CARD10: variants seen among roughly 807,000 people sequenced by gnomAD.
The protein encoded by CARD10 is caspase recruitment domain family member 10, also known as caspase recruitment domain-containing protein 10.
In CARD10, 49 loss-of-function variants were observed where a neutral mutation model predicts 114.6. The ratio of observed to expected loss-of-function variants is 0.43; its 90% CI spans 0.34 to 0.54. The LOEUF is 0.54. Ranked by LOEUF, CARD10 falls within the 20% of genes least tolerant of loss-of-function variation. CARD10 has a pLI of 0.03. For missense variants in CARD10, 1,206 were observed against 1,397.2 expected, an observed-to-expected ratio of 0.86 and a Z score of 2.18; for synonymous variants, 602 against 593.2, an observed-to-expected ratio of 1.01 and a Z score of -0.21.
At position 37,502,676 on chromosome 22, in the gene CARD10, G is replaced by A. The variant is rs766642101; in HGVS notation, c.1713C>T (p.Ser571=). The A allele has an allele frequency of 6.2e-7, 1 of 1,613,948 alleles. No individual in the cohort carries two copies. Among genetic ancestry groups the A allele is most frequent in the Non-Finnish European group, 8.5e-7 (1 of 1,179,952 alleles). Residue 571 remains serine, a synonymous_variant, in exon 11 of 20, where the codon TCC becomes TCT. Coordinates refer to ENST00000251973, the MANE Select transcript of CARD10 (RefSeq NM_014550.4). ...TTCCCAAAGGCCACACGCTGTCAGA[G>A]GATGAGGACGAAGAGAGGCCAGGGG... ...PWSPGLSSSS[S]SDSVWPLGKP... is the part of the protein sequence containing the mutation.
At position 37,518,121 on chromosome 22, in the gene CARD10, G is replaced by C. The variant is rs1923903213; in HGVS notation, c.236-13C>G. ...TCCATCAGGCGCCCTACAGAGTAGT[G>C]GGGGGATGTACCCAGGGTCTAGGGG... On this transcript the variant is annotated splice_polypyrimidine_tract_variant and intron_variant, in intron 1 of 19. Transcript: ENST00000251973. 1 of 1,611,722 alleles carries C rather than the reference G, an allele frequency of 6.2e-7. No homozygotes were observed. The highest frequency in any genetic ancestry group is 1.1e-5 in the South Asian group (1 of 91,028).
chr22:37,498,923 G>A (rs993236675), intron 11 of CARD10, among the ~76,000 whole-genome samples: 5 of 147,702 alleles, frequency 3.4e-5, no homozygotes, highest in African/African-American at 1.3e-4. Context: ...GGGGGCACAT[G>A]AATAAAAGAT....
rs1226563940 is a variant in CARD10, at chr22:37,496,795, G to A, written c.1947+224C>T. 12 of 649,294 alleles carry A rather than the reference G, an allele frequency of 1.8e-5. No homozygotes were observed. The highest frequency in any genetic ancestry group is 3.7e-5 in the African/African-American group (2 of 54,674). The allele number at this position is 649,294 out of a possible 1,614,324, so 40.2% of individuals were successfully genotyped here. On this transcript the variant is annotated intron_variant, in intron 12 of 19. Coordinates refer to ENST00000251973, the MANE Select transcript of CARD10 (RefSeq NM_014550.4). This position sits in a 1 kb window ranked among gnomAD's most constrained non-coding sequence, Gnocchi z 4.1. ...CAGGTCTTTCTCGACTTGAAGCGCA[G>A]GAATGTAACGTGCTGTCAGTTGGCT...
At chr22:37,495,474 A>G (rs536677353) in intron 15 of CARD10, 43 bp downstream of exon 15, 5 of 1,555,844 alleles carry the variant, frequency 3.2e-6, no homozygotes, top group Non-Finnish European at 4.4e-6. Context: ...TTTGGACCCC[A>G]CCCTTGGGGC....
At chr22:37,504,602 C>T in intron 8 of CARD10, 33 bp downstream of exon 8, 3 of 1,449,416 alleles carry the variant, frequency 2.1e-6, no homozygotes, top group Non-Finnish European at 2.7e-6. Context: ...ATAGCAGTGT[C>T]CCCCCTTATT....
Position 37,507,716 on chromosome 22 carries a change from G to A in CARD10, c.1191+113C>T, listed in dbSNP as rs549318982. ...CTTTGTGCCCCGTCCTAACCCAACA[G>A]GGAGCGGCTAACGTCTCTTTCTACC... On this transcript the variant is annotated intron_variant, in intron 6 of 19. Transcript: ENST00000251973. The A allele has an allele frequency of 9.4e-5, 126 of 1,339,702 alleles. No individual in the cohort carries two copies. In the South Asian group the frequency reaches 1.5e-3, roughly 16 times the overall value. The allele number at this position is 1,339,702 out of a possible 1,614,324, so 83.0% of individuals were successfully genotyped here.
rs1923037773 is a variant in CARD10 at position 37,497,198 on chromosome 22, A to T, written c.1788-20T>A. ...AGAGACCTGAGAAGGGAGAAAGGAG[A>T]TGAGAATTGGAGTCCAATCAGTACT... On this transcript the variant is annotated intron_variant, in intron 11 of 19. Transcript: ENST00000251973. The T allele has an allele frequency of 5.6e-6, 9 of 1,603,146 alleles. No homozygotes were observed. Among genetic ancestry groups the T allele is most frequent in the Non-Finnish European group, 7.7e-6 (9 of 1,175,852 alleles).
intron 3 of CARD10, among the ~76,000 whole-genome samples, chr22:37,511,221 G>A (rs1357661069): frequency 1.3e-5 from 2 of 151,658 alleles, no homozygotes; most frequent in African/African-American, 4.8e-5. Context: ...GTTGGGTGTG[G>A]TGGTGCGCGC....
Position 37,502,324 on chromosome 22 carries a change from C to T in CARD10, c.1787+278G>A, listed in dbSNP as rs929151420. Among the ~76,000 whole-genome samples the T allele has an allele frequency of 5.9e-5, 9 of 152,204 alleles. No individual in the cohort carries two copies. In the East Asian group the frequency reaches 1.2e-3, roughly 20 times the overall value. ...GGCAGAGCTGGGTGCTTTGCTTCTG[C>T]GAGCAGAGCCCTCAAAAGACCTCCA... is the stretch of plus-strand genomic sequence containing the variant. On this transcript the variant is annotated intron_variant, in intron 11 of 19. Transcript: ENST00000251973.
Position 37,502,636 on chromosome 22 carries a change from G to A in CARD10, c.1753C>T (p.Leu585=), listed in dbSNP as rs1374341054. 7.4e-6 allele frequency: 12 copies of A among 1,613,802 alleles called. No homozygotes were observed. Among genetic ancestry groups the A allele is most frequent in the East Asian group, 6.7e-5 (3 of 44,898 alleles). ...AAGTCCAGGCCACAGCCCCGAGCCA[G>A]GAGGCCTTCCGGCTTTCCCAAAGGC... ...VWPLGKPEGL[L]ARGCGLDFLN... Residue 585 remains leucine (L), a synonymous_variant, in exon 11 of 20, where the codon CTG becomes TTG. Transcript: ENST00000251973.
In CARD10 at chr22:37,497,142, T is replaced by TG. The variant is rs1266428698; in HGVS notation, c.1823dup (p.Gly609ArgfsTer109). On this transcript the variant is annotated frameshift_variant, in exon 12 of 20. Transcript: ENST00000251973. LOFTEE classifies it high-confidence loss of function. ...CCTTGTCCTGCGGCTCTGGGCCCCC[T>TG]GGGGGGCTCCGGCCAGACACCCGAA... 6.2e-7 allele frequency: 1 copy of TG among 1,613,998 alleles called. No homozygotes were observed. The highest frequency in any genetic ancestry group is 1.1e-5 in the South Asian group (1 of 91,064).
intron 4 of CARD10, among the ~76,000 whole-genome samples, 162 bp from the exon 5 acceptor site, chr22:37,508,844 G>A (rs949254140): frequency 2.0e-5 from 3 of 152,172 alleles, no homozygotes; most frequent in East Asian, 1.9e-4. Flanking sequence ...TCTCCCCATC[G>A]GCAGAGTGGG....
chr22:37,502,579 C>A (rs752097319), intron 11 of CARD10, 23 bp downstream of exon 11: 1 of 1,611,012 alleles, frequency 6.2e-7, no homozygotes. Flanking sequence ...CCCAGCTCCA[C>A]CCACTGCAGG....
rs780999563 is a variant in CARD10 at position 37,519,136 on chromosome 22, G to T, written c.65C>A (p.Ala22Glu). The stretch of plus-strand genomic sequence containing the variant: ...TCGCTCCCACAGCGCGTCCTCCTCC[G>T]CCTCAGACCCCGAGCCGGCCCCGGC... The part of the protein sequence containing the change: ...EEAGAGSGSE[A>E]EEDALWERIE... Residue 22 changes from alanine (A) to glutamate (E), a missense_variant, in exon 1 of 20, where the codon GCG (alanine) becomes GAG (glutamate). Ala to Glu is a moderately radical substitution (Grantham distance 107). Around this residue, in one of 2 missense-constraint regions of CARD10, gnomAD observed 138 missense variants for 218.0 expected, o/e 0.63. Coordinates refer to ENST00000251973, the MANE Select transcript of CARD10 (RefSeq NM_014550.4). The surrounding 1 kb of genome is among the most constrained non-coding windows in gnomAD (Gnocchi z 4.1). The T allele has an allele frequency of 1.3e-6, 2 of 1,559,104 alleles. No homozygotes were observed. Among genetic ancestry groups the T allele is most frequent in the Non-Finnish European group, 1.7e-6 (2 of 1,159,678 alleles).
chr22:37,507,504 G>A (rs1169418437), intron 6 of CARD10, among the ~76,000 whole-genome samples: 2 of 152,156 alleles, frequency 1.3e-5, no homozygotes, highest in South Asian at 2.1e-4. Flanking sequence ...TTTCTTCATC[G>A]GCTTCTATTT....
intron 4 of CARD10, 54 bp from the exon 5 acceptor site, chr22:37,508,736 G>A (rs2145768687): frequency 1.3e-6 from 2 of 1,495,432 alleles, no homozygotes; most frequent in Non-Finnish European, 1.8e-6. Flanking sequence ...CCCACCCTGG[G>A]TGTGGGAAGG....
At chr22:37,502,461 C>T in intron 11 of CARD10, 141 bp downstream of exon 11, 1 of 967,850 alleles carries the variant, frequency 1.0e-6, no homozygotes, top group Non-Finnish European at 1.5e-6. Flanking sequence ...GGATTGGAAT[C>T]CAAGGGCTGC....
At chr22:37,493,210 A>C (rs1247965963) in intron 16 of CARD10, among the ~76,000 whole-genome samples, 2 of 152,206 alleles carry the variant, frequency 1.3e-5, no homozygotes, top group East Asian at 3.9e-4. Context: ...CTCTCCCTTC[A>C]GCTGCGTCCA....
rs1198374842 is a variant in CARD10, at chr22:37,491,278, A to G, written c.2980T>C (p.Trp994Arg). ...TTGGCCAGCTCCTCTGCGTGTCCCC[A>G]CTCATGGGCGGGCACCTGCACCCAG... is the stretch of plus-strand genomic sequence containing the variant. ...CSWVQVPAHE[W>R]GHAEELAKVV... Residue 994 changes from tryptophan (W) to arginine (R), a missense_variant, in exon 20 of 20, where the codon TGG becomes CGG. Trp to Arg is a moderately radical substitution (Grantham distance 101, BLOSUM62 -3). This residue lies in a region of CARD10 where 1,068 missense variants were observed against 1,179.1 expected (regional missense o/e 0.91). Transcript: ENST00000251973. 2 of 1,569,018 alleles carry G rather than the reference A, an allele frequency of 1.3e-6. No homozygotes were observed. Among genetic ancestry groups the G allele is most frequent in the Non-Finnish European group, 1.7e-6 (2 of 1,163,498 alleles).
Sources: allele counts gnomAD v4.1 joint callset (sites outside exome capture counted in the v4.1 genomes callset), GRCh38; gene constraint gnomAD v4.1.1; regional missense constraint gnomAD v4.1.1; non-coding constraint Gnocchi (gnomAD v3.1); transcripts MANE v1.5; gene names NCBI Gene and HGNC (gene_info 2026-07-23, HGNC 2026-07-21).